The following RANBP3L variants were observed in gnomAD, a reference collection of about 807,000 sequenced individuals.
The protein encoded by RANBP3L is RAN binding protein 3 like, also known as ran-binding protein 3-like.
Under a neutral mutation model 67.2 loss-of-function variants are expected in RANBP3L, and 56 were observed. That is an observed-to-expected ratio of 0.83 (90% CI 0.67 to 1.04). RANBP3L has a LOEUF of 1.04. Ranked by LOEUF, RANBP3L falls within the 50% of genes least tolerant of loss-of-function variation. RANBP3L has a pLI of 0.00. For missense variants in RANBP3L, 496 were observed against 535.5 expected (o/e 0.93, Z 0.73); for synonymous variants, 164 against 181.4 (o/e 0.90, Z 0.77).
chr5:36,292,098 T>A (rs1266078338), intron 1 of RANBP3L, among the ~76,000 whole-genome samples: 1 of 149,808 alleles, frequency 6.7e-6, no homozygotes, highest in African/African-American at 2.5e-5. Flanking sequence ...CCATTCTAAC[T>A]GGTGTGAGAT....
Position 36,278,521 on chromosome 5 carries a change from T to A in RANBP3L, c.92-7210A>T, listed in dbSNP as rs554734942. ...CAGATTTCTGTCAACTGAGATCAAA[T>A]TTAGGAAAATGGCAGTAAAGATTCC... On this transcript the variant is annotated intron_variant, in intron 1 of 13. Transcript: ENST00000296604. 2.0e-3 allele frequency among the ~76,000 whole-genome samples: 311 copies of A among 152,280 alleles called. 7 individuals are homozygous for A. The South Asian group carries it at 0.062, about 31-fold the overall frequency.
intron 4 of RANBP3L, among the ~76,000 whole-genome samples, chr5:36,268,874 A>G (rs974966475): frequency 5.9e-5 from 9 of 151,958 alleles, no homozygotes; most frequent in African/African-American, 2.2e-4. Context: ...ATGCCCAGCT[A>G]ATTTTTTTTG....
At chr5:36,270,073 A>G in intron 2 of RANBP3L, 83 bp from the exon 3 acceptor site, 1 of 1,223,468 alleles carries the variant, frequency 8.2e-7, no homozygotes, top group Non-Finnish European at 1.2e-6. Flanking sequence ...AGTTTTGGCA[A>G]TTAAAAGTAA....
chr5:36,265,384 G>T, intron 5 of RANBP3L, 65 bp downstream of exon 5: 1 of 1,057,326 alleles, frequency 9.5e-7, no homozygotes, highest in South Asian at 1.4e-5. Flanking sequence ...CACACATATA[G>T]GGAGATGAAA....
At chr5:36,263,486 A>G (rs1254656787) in intron 6 of RANBP3L, among the ~76,000 whole-genome samples, 1 of 151,322 alleles carries the variant, frequency 6.6e-6, no homozygotes, top group Non-Finnish European at 1.5e-5. Flanking sequence ...ATCAAATGCA[A>G]TATAACTTTT....
At chr5:36,253,622 T>G (rs1162438036) in intron 12 of RANBP3L, 25 bp downstream of exon 12, 1 of 1,549,516 alleles carries the variant, frequency 6.5e-7, no homozygotes, top group Non-Finnish European at 8.9e-7. Context: ...AGGATAATCT[T>G]CTATCACTGA....
Position 36,247,209 on chromosome 5 carries a change from A to G in RANBP3L, c.*2445T>C, listed in dbSNP as rs1209676476. On this transcript the variant is annotated 3_prime_UTR_variant, in exon 14 of 14. Transcript: ENST00000296604. ...AGATGAAGATACAGGACAAGGAAAAACTATAAAATGTTTCTACTATTCCTC... is the reference window on the plus strand; with the variant it reads ...AGATGAAGATACAGGACAAGGAAAAGCTATAAAATGTTTCTACTATTCCTC... 6.6e-6 allele frequency among the ~76,000 whole-genome samples: 1 copy of G among 152,196 alleles called. No individual in the cohort carries two copies. Among genetic ancestry groups the G allele is most frequent in the Non-Finnish European group, 1.5e-5 (1 of 68,032 alleles).
At position 36,248,322 on chromosome 5, in the gene RANBP3L, G is replaced by T. The variant is rs570598745; in HGVS notation, c.*1332C>A. Reference sequence around the variant, plus strand: ...GGGCCTCTCTTAGTAGTTATATTAAGTTATGCTTTCTCAGTTATAAGGAAG... The same window carrying T: ...GGGCCTCTCTTAGTAGTTATATTAATTTATGCTTTCTCAGTTATAAGGAAG... On this transcript the variant is annotated 3_prime_UTR_variant, in exon 14 of 14. Coordinates refer to ENST00000296604, the MANE Select transcript of RANBP3L (RefSeq NM_145000.5). 2 of 152,220 alleles carry T rather than the reference G, an allele frequency of 1.3e-5. No individual in the cohort carries two copies. The highest frequency in any genetic ancestry group is 6.8e-3 in the Middle Eastern group (2 of 294). 9.4% of individuals were successfully genotyped at this position (152,220 alleles called of 1,614,324 possible).
intron 1 of RANBP3L, among the ~76,000 whole-genome samples, chr5:36,277,438 ATATGTGTGTG>A (rs1204035434): frequency 2.4e-4 from 20 of 82,260 alleles, no homozygotes; most frequent in African/African-American, 9.8e-4. Flanking sequence ...ATATATATAT[ATATGTGTGTG>A]TGTGTGTGTG....
At chr5:36,263,651 G>T (rs1044596812) in intron 6 of RANBP3L, among the ~76,000 whole-genome samples, 1 of 152,058 alleles carries the variant, frequency 6.6e-6, no homozygotes, top group African/African-American at 2.4e-5. Flanking sequence ...CACTTCCCGG[G>T]TTCAAGCTAG....
At position 36,261,949 on chromosome 5, in the gene RANBP3L, T is replaced by A. The variant is rs997462579; in HGVS notation, c.574A>T (p.Thr192Ser). The A allele has an allele frequency of 2.0e-6, 3 of 1,527,976 alleles. No individual in the cohort carries two copies. The highest frequency in any genetic ancestry group is 2.7e-5 in the African/African-American group (2 of 72,922). The allele number at this position is 1,527,976 out of a possible 1,614,324, so 94.7% of individuals were successfully genotyped here. Reference protein sequence around the residue: ...LSTNQDFLGATSVGCQPNEDK... With the variant: ...LSTNQDFLGASSVGCQPNEDK... ...TTCTCATTAACTTACCCTACTGATG[T>A]TGCACCTAAAAAGTCCTGGTTAGTA... is the stretch of plus-strand genomic sequence containing the variant. Residue 192 changes from threonine (T) to serine (S), a missense_variant, in exon 7 of 14, where the codon ACA becomes TCA. Coordinates refer to ENST00000296604, the MANE Select transcript of RANBP3L (RefSeq NM_145000.5).
intron 1 of RANBP3L, among the ~76,000 whole-genome samples, chr5:36,281,442 G>A (rs1750963937): frequency 6.6e-6 from 1 of 152,168 alleles, no homozygotes; most frequent in Non-Finnish European, 1.5e-5. Flanking sequence ...AGATATCTGA[G>A]ACTATAATGC....
At chr5:36,296,389 C>T (rs964073159) in intron 1 of RANBP3L, among the ~76,000 whole-genome samples, 11 of 151,960 alleles carry the variant, frequency 7.2e-5, no homozygotes, top group Admixed American at 2.6e-4. Flanking sequence ...TTGAATTGTA[C>T]GACACTCAGA....
intron 1 of RANBP3L, among the ~76,000 whole-genome samples, chr5:36,273,028 T>C (rs1266811208): frequency 1.3e-5 from 2 of 152,178 alleles, no homozygotes; most frequent in African/African-American, 4.8e-5. Context: ...ACTAATATAT[T>C]GGCATTACCA....
intron 1 of RANBP3L, among the ~76,000 whole-genome samples, chr5:36,291,009 G>T (rs1579780368): frequency 1.3e-5 from 2 of 151,150 alleles, no homozygotes; most frequent in East Asian, 3.9e-4. Flanking sequence ...CTCCCAAAGT[G>T]CTGGGATTAC....
rs769674880 is a variant in RANBP3L at position 36,301,308 on chromosome 5, T to C, written c.91+18A>G. The stretch of plus-strand genomic sequence containing the variant: ...AGAAGGTCACAGAATATGCAACTCA[T>C]GAGCTGGACGGACTCACCTTGCTGT... On this transcript the variant is annotated intron_variant, in intron 1 of 13. Transcript: ENST00000296604. 1 of 1,582,186 alleles carries C rather than the reference T, an allele frequency of 6.3e-7. No individual in the cohort carries two copies.
At chr5:36,266,251 G>T (rs1231621002) in intron 4 of RANBP3L, among the ~76,000 whole-genome samples, 1 of 152,122 alleles carries the variant, frequency 6.6e-6, no homozygotes, top group Non-Finnish European at 1.5e-5. Flanking sequence ...TATACCTGAA[G>T]AAAGAAGTAA....
intron 6 of RANBP3L, among the ~76,000 whole-genome samples, chr5:36,263,451 T>C (rs1420243956): frequency 6.6e-6 from 1 of 152,234 alleles, no homozygotes; most frequent in African/African-American, 2.4e-5. Context: ...TCTTGCTCTA[T>C]ATTTATAGTG....
chr5:36,293,433 A>T (rs1751951733), intron 1 of RANBP3L, among the ~76,000 whole-genome samples: 1 of 151,302 alleles, frequency 6.6e-6, no homozygotes, highest in South Asian at 2.1e-4. Flanking sequence ...AACTTCCAAC[A>T]CTATGTTGAA....
Sources: gnomAD v4.1 joint callset for allele counts (sites outside exome capture counted in the v4.1 genomes callset) on GRCh38, gnomAD v4.1.1 for gene constraint, MANE v1.5 for transcripts, NCBI Gene and HGNC (gene_info 2026-07-23, HGNC 2026-07-21) for gene names.